Variants in ARFGEF1 observed in about 807,000 individuals in gnomAD.
ARFGEF1 encodes ARF guanine nucleotide exchange factor 1.
In ARFGEF1, 42 loss-of-function variants were observed where a neutral mutation model predicts 231.0. The ratio of observed to expected loss-of-function variants is 0.18; its 90% CI spans 0.14 to 0.24. ARFGEF1 has a LOEUF of 0.24. ARFGEF1 is among the 10% of genes least tolerant of loss of function. The pLI is 1.00. For synonymous variants in ARFGEF1, 710 were observed against 732.3 expected, an observed-to-expected ratio of 0.97 and a Z score of 0.49; for missense variants, 1,345 against 2,192.0, an observed-to-expected ratio of 0.61 and a Z score of 7.72.
intron 9 of ARFGEF1, among the ~76,000 whole-genome samples, chr8:67,273,531 A>T (rs148281627): frequency 6.6e-6 from 1 of 150,670 alleles, no homozygotes; most frequent in Non-Finnish European, 1.5e-5. Context: ...TTTTATGGTT[A>T]TAAGTGTCAA....
In ARFGEF1 at chr8:67,269,258, AAT is replaced by A. The variant is rs573679270; in HGVS notation, c.1573-1818_1573-1817del. Reference sequence around the variant, plus strand: ...ATCACATCACAGAAACTCTGAAGTGAATATTCTCATAAAATGAATCTTCATGT... The same window carrying A: ...ATCACATCACAGAAACTCTGAAGTGAATTCTCATAAAATGAATCTTCATGT... On this transcript the variant is annotated intron_variant, in intron 10 of 38. Transcript: ENST00000262215. Among the ~76,000 whole-genome samples the A allele has an allele frequency of 1.5e-3, 230 of 152,234 alleles. 1 individual carries two copies. Among genetic ancestry groups the A allele is most frequent in the African/African-American group, 5.4e-3 (224 of 41,552 alleles).
chr8:67,192,066 G>GTTTTTT (rs34907123), intron 5 of ARFGEF1, among the ~76,000 whole-genome samples: 10 of 129,846 alleles, frequency 7.7e-5, no homozygotes, highest in African/African-American at 1.8e-4. Flanking sequence ...TTGCTGATTT[G>GTTTTTT]TTTTTTTTTT....
At chr8:67,331,726 T>C (rs1363973676) in intron 1 of ARFGEF1, among the ~76,000 whole-genome samples, 1 of 152,092 alleles carries the variant, frequency 6.6e-6, no homozygotes, top group Non-Finnish European at 1.5e-5. Context: ...TTTTTCACTC[T>C]TAGAACAGAA....
intron 1 of ARFGEF1, among the ~76,000 whole-genome samples, chr8:67,328,499 TTTTTG>T (rs979037065): frequency 1.3e-5 from 2 of 152,216 alleles, no homozygotes; most frequent in African/African-American, 4.8e-5. Flanking sequence ...CAATTTCTAG[TTTTTG>T]TTTTATGCTT....
At chr8:67,225,962 CTT>C in intron 28 of ARFGEF1, 59 bp downstream of exon 28, 3 of 1,458,948 alleles carry the variant, frequency 2.1e-6, no homozygotes, top group Non-Finnish European at 2.7e-6. Flanking sequence ...CCCAAACAAA[CTT>C]AAGATTTCAA....
In ARFGEF1 at chr8:67,277,285, A is replaced by C; in HGVS notation, c.1200T>G (p.Thr400=). Residue 400 remains threonine (T), a synonymous_variant, in exon 8 of 39, where the codon ACT becomes ACG. Transcript: ENST00000262215. ...DDRLSVSSND[T]QESGNSSGPS... ...CTCCCCACCCCTCCATTTATACCTG[A>C]GTATCATTGGAAGAGACTGACAATC... The C allele has an allele frequency of 2.5e-6, 4 of 1,613,148 alleles. No individual in the cohort carries two copies. Among genetic ancestry groups the C allele is most frequent in the Non-Finnish European group, 3.4e-6 (4 of 1,179,348 alleles).
At chr8:67,244,266 A>AAAAAAAAAAAAAAAAAAAAAAAAC (rs1563860748) in intron 19 of ARFGEF1, among the ~76,000 whole-genome samples, 1 of 17,214 alleles carries the variant, frequency 5.8e-5, no homozygotes, top group African/African-American at 2.9e-4. Context: ...AAAAAAAAAA[A>AAAAAAAAAAAAAAAAAAAAAAAAC]AACATTCGAC....
At chr8:67,194,051 A>G (rs1259723883), downstream of ARFGEF1, among the ~76,000 whole-genome samples, 1 of 147,576 alleles carries the variant, frequency 6.8e-6, no homozygotes, top group Admixed American at 6.6e-5. Context: ...CTCAGAAGTC[A>G]AATAAAGCTA....
chr8:67,258,563 C>A (rs1446870034), intron 15 of ARFGEF1, among the ~76,000 whole-genome samples: 1 of 151,998 alleles, frequency 6.6e-6, no homozygotes, highest in Non-Finnish European at 1.5e-5. Context: ...CTCAGGTAAT[C>A]TACCCGCCTC....
At chr8:67,228,193 G>C in intron 24 of ARFGEF1, 31 bp downstream of exon 24, 1 of 1,608,316 alleles carries the variant, frequency 6.2e-7, no homozygotes. Flanking sequence ...CCCCAAGCCA[G>C]TTCCGAAGTA....
intron 1 of ARFGEF1, among the ~76,000 whole-genome samples, chr8:67,302,814 C>T (rs1239606344): frequency 3.3e-5 from 5 of 151,160 alleles, no homozygotes; most frequent in Non-Finnish European, 7.4e-5. Context: ...GTGGCTCACG[C>T]CTGTAATCCT....
At chr8:67,289,549 C>CAAAAAAAAAAA (rs552601455) in intron 6 of ARFGEF1, among the ~76,000 whole-genome samples, 11 of 44,830 alleles carry the variant, frequency 2.5e-4, no homozygotes, top group African/African-American at 5.0e-4. Context: ...ACTCTGTATC[C>CAAAAAAAAAAA]AAAAAAAAAA....
At chr8:67,232,148 A>G (rs1839574447) in intron 23 of ARFGEF1, among the ~76,000 whole-genome samples, 2 of 152,056 alleles carry the variant, frequency 1.3e-5, no homozygotes, top group Admixed American at 6.6e-5. Context: ...ACTATCAAGG[A>G]AAGATTTGTA....
At chr8:67,328,498 GTTT>G (rs1807945132) in intron 1 of ARFGEF1, among the ~76,000 whole-genome samples, 1 of 152,110 alleles carries the variant, frequency 6.6e-6, no homozygotes, top group East Asian at 1.9e-4. Flanking sequence ...GCAATTTCTA[GTTT>G]TTGTTTTATG....
chr8:67,186,914 C>G (rs970975734), intron 5 of ARFGEF1, among the ~76,000 whole-genome samples: 5 of 152,100 alleles, frequency 3.3e-5, no homozygotes, highest in African/African-American at 1.2e-4. Context: ...ATTAAAAACA[C>G]AATACCACTT....
chr8:67,290,612 T>G (rs1465234373), intron 6 of ARFGEF1, among the ~76,000 whole-genome samples: 1 of 152,180 alleles, frequency 6.6e-6, no homozygotes, highest in African/African-American at 2.4e-5. Context: ...GCATGGTGCC[T>G]AAGACACAGT....
rs547202054 is a variant in ARFGEF1 at position 67,211,237 on chromosome 8, G to A, written c.4819+246C>T. On this transcript the variant is annotated intron_variant, in intron 34 of 38. Transcript: ENST00000262215. Reference sequence around the variant, plus strand: ...TACACACTTGTAGTCCCAGCTACCCGGGAGGCTGAGGCAGAAGAATTGCTT... The same window carrying A: ...TACACACTTGTAGTCCCAGCTACCCAGGAGGCTGAGGCAGAAGAATTGCTT... Among the ~76,000 whole-genome samples, 8 of 151,332 alleles carry A rather than the reference G, an allele frequency of 5.3e-5. No homozygotes were observed. The East Asian group carries it at 5.8e-4, about 11-fold the overall frequency.
intron 4 of ARFGEF1, among the ~76,000 whole-genome samples, chr8:67,298,933 T>C (rs1806358545): frequency 1.3e-5 from 2 of 152,048 alleles, no homozygotes; most frequent in Non-Finnish European, 2.9e-5. Flanking sequence ...GCCCAGCTAA[T>C]TTTTTTGGTA....
chr8:67,212,145 C>T (rs145894907), intron 33 of ARFGEF1, among the ~76,000 whole-genome samples: 13,635 of 152,188 alleles, frequency 0.09, 1,277 homozygotes, highest in African/African-American at 0.24. Flanking sequence ...TGCAATGGCG[C>T]GATCTCGGCT....
Sources: allele counts gnomAD v4.1 joint callset (sites outside exome capture counted in the v4.1 genomes callset), GRCh38; gene constraint gnomAD v4.1.1; transcripts MANE v1.5; gene names NCBI Gene and HGNC (gene_info 2026-07-23, HGNC 2026-07-21).